The following EIF4G3 variants were observed in gnomAD, a reference collection of about 807,000 sequenced individuals.
EIF4G3 encodes eIF-4-gamma 3.
Under a neutral mutation model 186.4 loss-of-function variants are expected in EIF4G3, and 34 were observed. The observed-to-expected ratio is 0.18, with a 90% confidence interval of 0.14 to 0.24. EIF4G3 has a LOEUF of 0.24. Ranked by LOEUF, EIF4G3 falls within the 10% of genes least tolerant of loss-of-function variation. EIF4G3 has a pLI of 1.00. For synonymous variants in EIF4G3, 673 were observed against 679.5 expected (o/e 0.99, Z 0.15); for missense variants, 1,536 against 1,948.5 (o/e 0.79, Z 3.99).
intron 4 of EIF4G3, among the ~76,000 whole-genome samples, chr1:21,030,113 A>T (rs1465702952): frequency 1.3e-5 from 2 of 152,144 alleles, no homozygotes; most frequent in Non-Finnish European, 2.9e-5. Flanking sequence ...GCTTCAAGTG[A>T]TCATCCTGCC....
intron 14 of EIF4G3, among the ~76,000 whole-genome samples, chr1:20,934,353 A>ATGGT (rs2095442762): frequency 6.6e-6 from 1 of 152,190 alleles, no homozygotes; most frequent in Non-Finnish European, 1.5e-5. Flanking sequence ...TGGCAGCTAA[A>ATGGT]TGGTTATATG....
chr1:20,992,044 A>AT (rs2081249451), intron 7 of EIF4G3, among the ~76,000 whole-genome samples: 1 of 152,232 alleles, frequency 6.6e-6, no homozygotes, highest in Non-Finnish European at 1.5e-5. Context: ...GATAATTTGT[A>AT]GTGAAGCTGA....
At position 20,899,705 on chromosome 1, in the gene EIF4G3, A is replaced by C. The variant is rs1368750228; in HGVS notation, c.1991T>G (p.Phe664Cys). 1.2e-6 allele frequency: 2 copies of C among 1,614,038 alleles called. No individual in the cohort carries two copies. Among genetic ancestry groups the C allele is most frequent in the Non-Finnish European group, 1.7e-6 (2 of 1,180,012 alleles). ...GGCAGGTATAAACTTACCTGGTTTA[A>C]ATGGAAATGTAACCCCATCACCAGA... ...DSSGDGVTFP[F>C]KPESWKPTDT... The change falls in exon 16 of 37, where the codon TTT (phenylalanine) becomes TGT (cysteine). Residue 664 changes from phenylalanine (F) to cysteine (C), a missense_variant. By Grantham distance (205) the Phe-to-Cys change is radical (BLOSUM62 -2). Coordinates refer to ENST00000602326, the MANE Select transcript of EIF4G3 (RefSeq NM_001391906.1).
chr1:21,096,246 T>C (rs986626266), intron 2 of EIF4G3, among the ~76,000 whole-genome samples: 3 of 152,172 alleles, frequency 2.0e-5, no homozygotes, highest in South Asian at 2.1e-4. Context: ...TGCAGCAACA[T>C]AGATGGAACT....
At chr1:20,904,805 C>A in intron 15 of EIF4G3, 78 bp downstream of exon 15, 1 of 999,512 alleles carries the variant, frequency 1.0e-6, no homozygotes, top group South Asian at 2.0e-5. Context: ...AAAACTATTT[C>A]AATAAATAGG....
In EIF4G3 at chr1:20,944,429, C is replaced by T. The variant is rs529749096; in HGVS notation, c.824-2099G>A. On this transcript the variant is annotated intron_variant, in intron 13 of 36. Transcript: ENST00000602326. ...ACTCGGGAGGCCAAGATGGAAGGATCGTTTGAGCCCAGGAGGTCGAGGCTG... is the reference window on the plus strand; with the variant it reads ...ACTCGGGAGGCCAAGATGGAAGGATTGTTTGAGCCCAGGAGGTCGAGGCTG... 2.0e-4 allele frequency among the ~76,000 whole-genome samples: 31 copies of T among 151,930 alleles called. 1 individual carries two copies. The highest frequency in any genetic ancestry group is 7.5e-4 in the African/African-American group (31 of 41,452).
At chr1:21,171,961 C>T (rs1044888867) in intron 2 of EIF4G3, among the ~76,000 whole-genome samples, 1 of 151,982 alleles carries the variant, frequency 6.6e-6, no homozygotes, top group African/African-American at 2.4e-5. Context: ...AAGGATATTA[C>T]GAGATGCACT....
At chr1:21,114,881 G>A (rs890904634) in intron 2 of EIF4G3, among the ~76,000 whole-genome samples, 1 of 152,168 alleles carries the variant, frequency 6.6e-6, no homozygotes, top group African/African-American at 2.4e-5. Flanking sequence ...CAAATCAATT[G>A]TGCAAGTCAC....
At chr1:21,169,444 T>TC (rs1325868419) in intron 2 of EIF4G3, among the ~76,000 whole-genome samples, 1 of 151,270 alleles carries the variant, frequency 6.6e-6, no homozygotes, top group African/African-American at 2.4e-5. Flanking sequence ...CAACACTCTC[T>TC]CCCCCCAAAA....
intron 2 of EIF4G3, chr1:21,111,317 G>T: frequency 2.1e-6 from 1 of 471,374 alleles, no homozygotes. Context: ...TTGCCAGCTA[G>T]ATTACCTTGG....
chr1:21,131,544 G>C (rs1339654264), intron 2 of EIF4G3, among the ~76,000 whole-genome samples: 2 of 148,952 alleles, frequency 1.3e-5, no homozygotes, highest in Admixed American at 6.7e-5. Flanking sequence ...AAACACACAA[G>C]CCTGGAAACA....
intron 4 of EIF4G3, among the ~76,000 whole-genome samples, chr1:21,011,741 T>C (rs560772444): frequency 6.6e-6 from 1 of 152,332 alleles, no homozygotes; most frequent in African/African-American, 2.4e-5. Flanking sequence ...AATTTGGTCA[T>C]TTAAAGAATG....
intron 2 of EIF4G3, among the ~76,000 whole-genome samples, chr1:21,159,932 C>T (rs2097731873): frequency 6.6e-6 from 1 of 152,088 alleles, no homozygotes; most frequent in East Asian, 1.9e-4. Flanking sequence ...ATGGTGAAAC[C>T]CCGTCTATAC....
Position 20,855,068 on chromosome 1 carries a change from T to C in EIF4G3, c.3343A>G (p.Thr1115Ala). Residue 1115 changes from threonine to alanine, a missense_variant, in exon 26 of 37, where the codon ACA becomes GCA. Thr to Ala is a moderately conservative substitution (Grantham distance 58, BLOSUM62 0). Around this residue, in one of 11 missense-constraint regions of EIF4G3, gnomAD observed 110 missense variants for 166.2 expected, o/e 0.66. Transcript: ENST00000602326. Reference sequence around the variant, plus strand: ...ACCAGCTGAATTTTTTCATCAATTGTAGGCTGTAACATAAGGGACCACAAG... The same window carrying C: ...ACCAGCTGAATTTTTTCATCAATTGCAGGCTGTAACATAAGGGACCACAAG... ...PSKFLKITKP[T>A]IDEKIQLVPK... 6.2e-7 allele frequency: 1 copy of C among 1,607,790 alleles called. No homozygotes were observed. Among genetic ancestry groups the C allele is most frequent in the Non-Finnish European group, 8.5e-7 (1 of 1,176,156 alleles).
chr1:21,111,176 T>C, intron 2 of EIF4G3: 1 of 375,508 alleles, frequency 2.7e-6, no homozygotes, highest in South Asian at 2.1e-5. Context: ...ACAGGATACA[T>C]TTCAGGACAA....
intron 2 of EIF4G3, among the ~76,000 whole-genome samples, chr1:21,121,807 C>T (rs1054137280): frequency 2.6e-5 from 4 of 151,474 alleles, no homozygotes; most frequent in Non-Finnish European, 4.4e-5. Flanking sequence ...CATCAATCTA[C>T]AAAAATGGGA....
rs1418310174 is a variant in EIF4G3 at position 20,981,632 on chromosome 1, ACG to A, written c.199-407_199-406del. ...ATACTGTATGTATACATACATGTAT[ACG>A]CACATACTGTATGTATACATACATG... On this transcript the variant is annotated intron_variant, in intron 8 of 36. Coordinates refer to ENST00000602326, the MANE Select transcript of EIF4G3 (RefSeq NM_001391906.1). Among the ~76,000 whole-genome samples the A allele has an allele frequency of 2.5e-3, 310 of 124,744 alleles. 5 individuals carry two copies. Among genetic ancestry groups the A allele is most frequent in the Admixed American group, 4.2e-3 (52 of 12,372 alleles). The allele number at this position is 124,744 out of a possible 152,430, so 81.8% of individuals were successfully genotyped here. A position where few individuals can be genotyped will look rare whatever the true frequency, so the allele number is the denominator to read the frequency against.
chr1:21,170,930 G>A (rs567921412), intron 2 of EIF4G3, among the ~76,000 whole-genome samples: 1 of 151,688 alleles, frequency 6.6e-6, no homozygotes, highest in Non-Finnish European at 1.5e-5. Context: ...AGAGGTTGCA[G>A]TGAGCCAAGA....
At chr1:21,147,613 G>T (rs1004226764) in intron 2 of EIF4G3, among the ~76,000 whole-genome samples, 1 of 152,020 alleles carries the variant, frequency 6.6e-6, no homozygotes, top group African/African-American at 2.4e-5. Flanking sequence ...TTACAGGTGT[G>T]AGCCACCGCA....
Sources: gnomAD v4.1 joint callset for allele counts (sites outside exome capture counted in the v4.1 genomes callset) on GRCh38, gnomAD v4.1.1 for gene constraint, gnomAD v4.1.1 regional missense constraint, MANE v1.5 for transcripts, NCBI Gene and HGNC (gene_info 2026-07-23, HGNC 2026-07-21) for gene names.